Variants in LRRC20 observed in about 807,000 individuals in gnomAD.
The protein encoded by LRRC20 is leucine-rich repeat-containing protein 20.
In LRRC20, 11 loss-of-function variants were observed where a neutral mutation model predicts 14.4. That is an observed-to-expected ratio of 0.77 (90% CI 0.48 to 1.27). The LOEUF (loss-of-function observed/expected upper bound fraction) is 1.27, where lower values mean the gene tolerates loss of function less well. Among genes scored for constraint, LRRC20 ranks in the 50% most tolerant of loss-of-function variants. The pLI is 0.00. For missense variants in LRRC20, 219 were observed against 251.2 expected, an observed-to-expected ratio of 0.87 and a Z score of 0.87; for synonymous variants, 121 against 107.3, an observed-to-expected ratio of 1.13 and a Z score of -0.79.
intron 3 of LRRC20, among the ~76,000 whole-genome samples, chr10:70,336,004 G>C (rs1478108493): frequency 6.6e-6 from 1 of 152,168 alleles, no homozygotes; most frequent in African/African-American, 2.4e-5. Flanking sequence ...CATGGTGTCT[G>C]CTCATAAACC....
intron 4 of LRRC20, among the ~76,000 whole-genome samples, chr10:70,316,483 T>C (rs1000735483): frequency 1.3e-5 from 2 of 152,250 alleles, no homozygotes; most frequent in African/African-American, 2.4e-5. Context: ...TGTTGGCCTG[T>C]GTGCTACCAG....
intron 3 of LRRC20, among the ~76,000 whole-genome samples, chr10:70,329,553 T>G (rs1842454045): frequency 6.6e-6 from 1 of 151,152 alleles, no homozygotes; most frequent in Non-Finnish European, 1.5e-5. Flanking sequence ...GTGTGATTCT[T>G]CTTTTGCCTT....
At chr10:70,364,660 C>T (rs1487471747) in intron 2 of LRRC20, among the ~76,000 whole-genome samples, 1 of 152,214 alleles carries the variant, frequency 6.6e-6, no homozygotes, top group Non-Finnish European at 1.5e-5. Flanking sequence ...GCTTCCGGTC[C>T]TTGGCTTGGC....
At chr10:70,377,786 G>C (rs1383384689) in intron 1 of LRRC20, among the ~76,000 whole-genome samples, 1 of 152,376 alleles carries the variant, frequency 6.6e-6, no homozygotes, top group South Asian at 2.1e-4. Context: ...GGCTGGCCAA[G>C]CCCACCCATC....
At chr10:70,335,695 G>C (rs1023967752) in intron 3 of LRRC20, among the ~76,000 whole-genome samples, 37 of 152,248 alleles carry the variant, frequency 2.4e-4, no homozygotes, top group African/African-American at 8.9e-4. Flanking sequence ...TTCCCACCCA[G>C]GCAGATGACT....
chr10:70,350,264 G>A (rs1324926372), intron 2 of LRRC20, among the ~76,000 whole-genome samples: 2 of 152,222 alleles, frequency 1.3e-5, no homozygotes, highest in Non-Finnish European at 2.9e-5. Context: ...CTGGGCTGCA[G>A]CAGGGAACAG....
chr10:70,302,913 T>G (rs1285704054), intron 4 of LRRC20, among the ~76,000 whole-genome samples: 2 of 151,926 alleles, frequency 1.3e-5, no homozygotes, highest in African/African-American at 4.8e-5. Flanking sequence ...GGTTTCACCG[T>G]GTTAGCCAGG....
At chr10:70,347,775 C>T (rs924568517) in intron 2 of LRRC20, among the ~76,000 whole-genome samples, 3 of 149,698 alleles carry the variant, frequency 2.0e-5, no homozygotes, top group Admixed American at 6.7e-5. Flanking sequence ...GCCGAGATCA[C>T]ACCACTATAC....
chr10:70,299,544 A>C lies in LRRC20; in HGVS notation c.*1810T>G, dbSNP rs958024485. The C allele has an allele frequency of 6.6e-6, 1 of 152,324 alleles. No individual in the cohort carries two copies. Among genetic ancestry groups the C allele is most frequent in the East Asian group, 1.9e-4 (1 of 5,198 alleles). 9.4% of individuals were successfully genotyped at this position (152,324 alleles called of 1,614,324 possible). ...CATTCCTAACAAGCTCCCAGGTGTC[A>C]CTGCCGCTGCTGGTCCACAGACCAC... is the stretch of plus-strand genomic sequence containing the variant. On this transcript the variant is annotated 3_prime_UTR_variant, in exon 5 of 5. Transcript: ENST00000446961.
intron 2 of LRRC20, among the ~76,000 whole-genome samples, chr10:70,369,127 C>T (rs990650128): frequency 3.9e-5 from 6 of 152,210 alleles, no homozygotes; most frequent in Non-Finnish European, 2.9e-5. Context: ...AGATGTTCAC[C>T]TCTGCTTTTT....
intron 3 of LRRC20, among the ~76,000 whole-genome samples, chr10:70,331,654 C>G (rs1264089678): frequency 6.6e-6 from 1 of 152,124 alleles, no homozygotes; most frequent in Admixed American, 6.5e-5. Flanking sequence ...ATTAGGGGTT[C>G]CAAAGATTCT....
chr10:70,347,749 G>A (rs1259261766), intron 2 of LRRC20, among the ~76,000 whole-genome samples: 1 of 148,500 alleles, frequency 6.7e-6, no homozygotes, highest in Non-Finnish European at 1.5e-5. Flanking sequence ...AGCCTGGGAG[G>A]AGGAGGTTAC....
At chr10:70,371,424 A>C (rs1298783854) in intron 2 of LRRC20, among the ~76,000 whole-genome samples, 1 of 151,890 alleles carries the variant, frequency 6.6e-6, no homozygotes, top group Non-Finnish European at 1.5e-5. Context: ...TGTGTAGTAG[A>C]GTCTCGGGCC....
intron 2 of LRRC20, among the ~76,000 whole-genome samples, chr10:70,367,161 C>A (rs1284347169): frequency 1.3e-5 from 2 of 151,676 alleles, no homozygotes; most frequent in Non-Finnish European, 2.9e-5. Context: ...CCCATCTCTA[C>A]AAAAAATACA....
rs79508917 is a variant in LRRC20 at position 70,372,825 on chromosome 10, G to A, written c.82+3627C>T. ...CTACATAAATAGCATTATATAGGCC[G>A]GGTGTGGTGGCTCATGCCTATAATC... is the stretch of plus-strand genomic sequence containing the variant. On this transcript the variant is annotated intron_variant, in intron 2 of 4. Coordinates refer to ENST00000446961, the MANE Select transcript of LRRC20 (RefSeq NM_001278212.2). 0.02 allele frequency among the ~76,000 whole-genome samples: 3,015 copies of A among 152,014 alleles called. 235 individuals are homozygous for A. In the East Asian group the frequency reaches 0.24, roughly 12 times the overall value.
At chr10:70,375,834 A>G (rs977101326) in intron 2 of LRRC20, among the ~76,000 whole-genome samples, 2 of 152,206 alleles carry the variant, frequency 1.3e-5, no homozygotes, top group Non-Finnish European at 2.9e-5. Flanking sequence ...TGGACAGTCA[A>G]TAAGTATCTG....
At position 70,324,006 on chromosome 10, in the gene LRRC20, A is replaced by G; in HGVS notation, c.257T>C (p.Leu86Pro). 1 of 1,614,080 alleles carries G rather than the reference A, an allele frequency of 6.2e-7. No homozygotes were observed. Among genetic ancestry groups the G allele is most frequent in the African/African-American group, 1.3e-5 (1 of 75,060 alleles). The stretch of plus-strand genomic sequence containing the variant: ...ACTGACCTCGCTGGGGAGGCGGTGT[A>G]GGAAGTTCCCCTCCAGGTGGAGCTC... ...LRELHLEGNF[L>P]HRLPSEVSAL... is the part of the protein sequence containing the mutation. The change falls in exon 4 of 5, where the codon CTA becomes CCA. Residue 86 changes from leucine to proline, a missense_variant. Transcript: ENST00000446961.
In LRRC20 at chr10:70,353,239, T is replaced by C. The variant is rs572455299; in HGVS notation, c.83-12537A>G. On this transcript the variant is annotated intron_variant, in intron 2 of 4. Transcript: ENST00000446961. ...GTTAACAGTTAAGGAAACTGAGTCA[T>C]GGAGAAGTCAAACAAATTGTTCTAA... Among the ~76,000 whole-genome samples, 30 of 152,300 alleles carry C rather than the reference T, an allele frequency of 2.0e-4. 1 individual carries two copies. The highest frequency in any genetic ancestry group is 1.7e-3 in the South Asian group (8 of 4,828).
At chr10:70,332,527 C>T (rs1362850733) in intron 3 of LRRC20, among the ~76,000 whole-genome samples, 1 of 152,126 alleles carries the variant, frequency 6.6e-6, no homozygotes, top group Non-Finnish European at 1.5e-5. Context: ...TGCCGTAGTC[C>T]CAGCTAGTCG....
Sources: allele counts gnomAD v4.1 joint callset (sites outside exome capture counted in the v4.1 genomes callset), GRCh38; gene constraint gnomAD v4.1.1; transcripts MANE v1.5; gene names NCBI Gene and HGNC (gene_info 2026-07-23, HGNC 2026-07-21).